Variants in ACSL1 observed in about 807,000 individuals in gnomAD.
ACSL1 encodes the protein acyl-CoA synthetase long chain family member 1.
A neutral mutation model predicts 98.4 loss-of-function variants in ACSL1; 41 were observed. The ratio of observed to expected loss-of-function variants is 0.42; its 90% CI spans 0.32 to 0.54. The LOEUF is 0.54. Among genes scored for constraint, ACSL1 ranks in the 20% least tolerant of loss-of-function variants. The pLI is 0.13. For missense variants in ACSL1, 734 were observed against 883.1 expected, an observed-to-expected ratio of 0.83 and a Z score of 2.14; for synonymous variants, 316 against 322.7, an observed-to-expected ratio of 0.98 and a Z score of 0.22.
intron 2 of ACSL1, among the ~76,000 whole-genome samples, chr4:184,793,783 A>G (rs2150399329): frequency 6.6e-6 from 1 of 152,302 alleles, no homozygotes; most frequent in Middle Eastern, 3.4e-3. Context: ...GGTGCAAAGG[A>G]GCATGTAGAA....
chr4:184,757,006 G>A lies in ACSL1; in HGVS notation c.*119C>T. On this transcript the variant is annotated 3_prime_UTR_variant, in exon 21 of 21. Coordinates refer to ENST00000281455, the MANE Select transcript of ACSL1 (RefSeq NM_001995.5). The surrounding 1 kb of genome is among the most constrained non-coding windows in gnomAD (Gnocchi z 4.5). The stretch of plus-strand genomic sequence containing the variant: ...TATGAGAAGAACCCCGAATGGACAA[G>A]TCAAACACGAACGCTTCCTTCCCTA... 2.3e-6 allele frequency: 3 copies of A among 1,301,686 alleles called. No homozygotes were observed. The highest frequency in any genetic ancestry group is 2.1e-6 in the Non-Finnish European group (2 of 963,234). The allele number at this position is 1,301,686 out of a possible 1,614,324, so 80.6% of individuals were successfully genotyped here.
intron 1 of ACSL1, among the ~76,000 whole-genome samples, chr4:184,816,535 T>G (rs1251292114): frequency 6.6e-6 from 1 of 152,142 alleles, no homozygotes; most frequent in Non-Finnish European, 1.5e-5. Context: ...CTGCTCGGAA[T>G]GGGTGATACT....
At chr4:184,768,003 TA>T in intron 12 of ACSL1, 2 of 432,748 alleles carry the variant, frequency 4.6e-6, no homozygotes, top group Non-Finnish European at 4.0e-6. Flanking sequence ...AGAGAAGAGG[TA>T]AACAGTCCGT....
At chr4:184,821,578 G>A (rs983803395) in intron 1 of ACSL1, among the ~76,000 whole-genome samples, 1 of 152,130 alleles carries the variant, frequency 6.6e-6, no homozygotes, top group Non-Finnish European at 1.5e-5. Flanking sequence ...CTATTCATTA[G>A]TAAAAACACT....
chr4:184,780,649 T>C (rs949935379), intron 4 of ACSL1, among the ~76,000 whole-genome samples: 4 of 152,234 alleles, frequency 2.6e-5, no homozygotes, highest in African/African-American at 7.2e-5. Context: ...GCAGGGTTCC[T>C]TCTGCAAAGA....
chr4:184,786,977 C>G (rs1365173034), intron 3 of ACSL1, among the ~76,000 whole-genome samples: 1 of 152,142 alleles, frequency 6.6e-6, no homozygotes, highest in African/African-American at 2.4e-5. Flanking sequence ...CAGGTGTGAG[C>G]CACCATGCCC....
intron 2 of ACSL1, among the ~76,000 whole-genome samples, chr4:184,801,737 C>G (rs376238693): frequency 5.4e-4 from 83 of 152,314 alleles, no homozygotes; most frequent in African/African-American, 1.9e-3. Flanking sequence ...AGCCTCTATA[C>G]TGGGCAGTAA....
At chr4:184,789,650 C>T (rs1768002071) in intron 2 of ACSL1, among the ~76,000 whole-genome samples, 1 of 152,198 alleles carries the variant, frequency 6.6e-6, no homozygotes, top group South Asian at 2.1e-4. Context: ...CATCTGTTAG[C>T]TTCCTGAGTA....
chr4:184,805,527 C>T lies in ACSL1; in HGVS notation c.-32-1981G>A, dbSNP rs1387058220. On this transcript the variant is annotated intron_variant, in intron 1 of 20. Transcript: ENST00000281455. Reference sequence around the variant, plus strand: ...ACCAGCACTTAACAAAACCACTCACCATCTGTGCCACCAACAGCTGACTAC... The same window carrying T: ...ACCAGCACTTAACAAAACCACTCACTATCTGTGCCACCAACAGCTGACTAC... 4.1e-6 allele frequency: 4 copies of T among 985,596 alleles called. No individual in the cohort carries two copies. The African/African-American group carries it at 5.2e-5, about 13-fold the overall frequency. The allele number at this position is 985,596 out of a possible 1,614,324, so 61.1% of individuals were successfully genotyped here.
At position 184,789,017 on chromosome 4, in the gene ACSL1, T is replaced by A. The variant is rs1018823252; in HGVS notation, c.196-286A>T. 2.8e-4 allele frequency among the ~76,000 whole-genome samples: 43 copies of A among 152,230 alleles called. 1 individual carries two copies. The highest frequency in any genetic ancestry group is 2.9e-4 in the Non-Finnish European group (20 of 68,048). On this transcript the variant is annotated intron_variant, in intron 2 of 20. Transcript: ENST00000281455. ...AATACACATAATTTGTATTTGTCCA[T>A]TAAAAAATAAAATGCTTAAAAATTA...
At chr4:184,760,804 AT>A (rs1171085195) in intron 17 of ACSL1, among the ~76,000 whole-genome samples, 2 of 152,202 alleles carry the variant, frequency 1.3e-5, no homozygotes, top group Admixed American at 6.5e-5. Context: ...TTGCTGGCTC[AT>A]TTAGCCTCCT....
At chr4:184,770,969 C>T (rs1268004251) in intron 10 of ACSL1, among the ~76,000 whole-genome samples, 2 of 152,226 alleles carry the variant, frequency 1.3e-5, no homozygotes, top group East Asian at 1.9e-4. Flanking sequence ...ACTAAAAATA[C>T]AAAAATTAGC....
intron 1 of ACSL1, among the ~76,000 whole-genome samples, chr4:184,824,473 A>C (rs1294113613): frequency 1.3e-5 from 2 of 152,168 alleles, no homozygotes; most frequent in African/African-American, 4.8e-5. Context: ...AGAAAACAGA[A>C]GTCTTTAATA....
At chr4:184,758,083 A>T in intron 18 of ACSL1, 163 bp from the exon 19 acceptor site, 1 of 634,096 alleles carries the variant, frequency 1.6e-6, no homozygotes, top group Admixed American at 3.2e-5. Context: ...CACTCAGCCC[A>T]GATTAAGAAC....
At chr4:184,794,546 A>C (rs1768997329) in intron 2 of ACSL1, among the ~76,000 whole-genome samples, 1 of 152,186 alleles carries the variant, frequency 6.6e-6, no homozygotes, top group Non-Finnish European at 1.5e-5. Flanking sequence ...TGCAGGAAAG[A>C]TGGGAGGTGA....
At position 184,805,395 on chromosome 4, in the gene ACSL1, TCACA is replaced by T. The variant is rs141992968; in HGVS notation, c.-32-1853_-32-1850del. On this transcript the variant is annotated intron_variant, in intron 1 of 20. Coordinates refer to ENST00000281455, the MANE Select transcript of ACSL1 (RefSeq NM_001995.5). ...AATGAATCCATGTAAGTGTACTCAC[TCACA>T]CACACACACACAAACACACACACGA... The T allele has an allele frequency of 3.3e-4, 231 of 691,046 alleles. 2 individuals carry two copies. The East Asian group carries it at 0.018, about 53-fold the overall frequency. 42.8% of individuals were successfully genotyped at this position (691,046 alleles called of 1,614,324 possible).
chr4:184,795,463 T>G (rs72695654), intron 2 of ACSL1, among the ~76,000 whole-genome samples: 15,383 of 152,296 alleles, frequency 0.1, 949 homozygotes, highest in Non-Finnish European at 0.14. Context: ...GTATCTGTAG[T>G]GACCTTTAGC....
At chr4:184,791,010 A>G (rs1025285220) in intron 2 of ACSL1, among the ~76,000 whole-genome samples, 5 of 152,222 alleles carry the variant, frequency 3.3e-5, no homozygotes, top group African/African-American at 9.7e-5. Flanking sequence ...TGGGTGTGAA[A>G]AGAGATAAGA....
intron 2 of ACSL1, among the ~76,000 whole-genome samples, chr4:184,792,035 T>A (rs1282986193): frequency 6.6e-6 from 1 of 152,164 alleles, no homozygotes; most frequent in Non-Finnish European, 1.5e-5. Flanking sequence ...TTTAGCTAAA[T>A]AATTTTTTAG....
Sources: allele counts gnomAD v4.1 joint callset (sites outside exome capture counted in the v4.1 genomes callset), GRCh38; gene constraint gnomAD v4.1.1; non-coding constraint Gnocchi (gnomAD v3.1); transcripts MANE v1.5; gene names NCBI Gene and HGNC (gene_info 2026-07-23, HGNC 2026-07-21).